BRINP3: variants seen among roughly 807,000 people sequenced by gnomAD.
The protein encoded by BRINP3 is BMP/retinoic acid-inducible neural-specific protein 3.
A neutral mutation model predicts 71.0 loss-of-function variants in BRINP3; 19 were observed. The ratio of observed to expected loss-of-function variants is 0.27; its 90% CI spans 0.19 to 0.39. The LOEUF is 0.39. Ranked by LOEUF, BRINP3 falls within the 10% of genes least tolerant of loss-of-function variation. The pLI, the probability that BRINP3 is intolerant of heterozygous loss-of-function variation, is 1.00. For missense variants in BRINP3, 959 were observed against 940.8 expected (o/e 1.02, Z -0.25); for synonymous variants, 380 against 337.7 (o/e 1.13, Z -1.37).
chr1:190,365,868 C>A (rs1669468075), intron 2 of BRINP3, among the ~76,000 whole-genome samples: 2 of 138,790 alleles, frequency 1.4e-5, no homozygotes, highest in South Asian at 2.2e-4. Flanking sequence ...TATATCCTGT[C>A]AAAATTTGAG....
At chr1:190,130,674 G>A (rs910270272) in intron 7 of BRINP3, among the ~76,000 whole-genome samples, 20 of 152,128 alleles carry the variant, frequency 1.3e-4, no homozygotes, top group Non-Finnish European at 2.2e-4. Context: ...TCACTAAGAA[G>A]TGACTGTACA....
intron 2 of BRINP3, among the ~76,000 whole-genome samples, chr1:190,289,184 T>C (rs558427215): frequency 6.6e-6 from 1 of 152,040 alleles, no homozygotes; most frequent in South Asian, 2.1e-4. Flanking sequence ...TGACAATAAA[T>C]ATAAATTGCC....
chr1:190,301,202 T>C (rs866617653), intron 2 of BRINP3, among the ~76,000 whole-genome samples: 1,129 of 26,040 alleles, frequency 0.043, 27 homozygotes, highest in East Asian at 0.11. Flanking sequence ...TATATACACA[T>C]ACATATATAT....
At chr1:190,351,148 G>C (rs955107927) in intron 2 of BRINP3, among the ~76,000 whole-genome samples, 1 of 151,996 alleles carries the variant, frequency 6.6e-6, no homozygotes, top group Non-Finnish European at 1.5e-5. Flanking sequence ...CTACATCTAC[G>C]AAGTAGACAA....
rs1180367434 is a variant in BRINP3 at position 190,312,036 on chromosome 1, A to AATATATATAT, written c.237-30296_237-30287dup. Among the ~76,000 whole-genome samples, 144 of 68,278 alleles carry AATATATATAT rather than the reference A, an allele frequency of 2.1e-3. 2 individuals are homozygous for AATATATATAT. The highest frequency in any genetic ancestry group is 4.7e-3 in the East Asian group (8 of 1,720). 44.8% of individuals were successfully genotyped at this position (68,278 alleles called of 152,430 possible). A position where few individuals can be genotyped will look rare whatever the true frequency, so the allele number is the denominator to read the frequency against. ...AAAATACATGATATTTGAAAAGTCAAATATATATATATATATATATATATA... is the reference window on the plus strand; with the variant it reads ...AAAATACATGATATTTGAAAAGTCAAATATATATATATATATATATATATATATATATATA... On this transcript the variant is annotated intron_variant, in intron 2 of 7. Transcript: ENST00000367462.
intron 2 of BRINP3, among the ~76,000 whole-genome samples, chr1:190,362,476 T>A (rs951250596): frequency 1.3e-5 from 2 of 152,108 alleles, no homozygotes; most frequent in African/African-American, 2.4e-5. Flanking sequence ...TCAGAAGAAA[T>A]AATGTAAGCA....
chr1:190,242,975 T>C (rs1194766493), intron 4 of BRINP3, among the ~76,000 whole-genome samples: 1 of 152,122 alleles, frequency 6.6e-6, no homozygotes, highest in Non-Finnish European at 1.5e-5. Context: ...ACGACTACAA[T>C]GATTGGTCTA....
intron 1 of BRINP3, among the ~76,000 whole-genome samples, chr1:190,467,652 C>G (rs1676849591): frequency 6.6e-6 from 1 of 151,516 alleles, no homozygotes; most frequent in African/African-American, 2.4e-5. Flanking sequence ...TTACAATAAG[C>G]ATCTACTTTT....
At chr1:190,453,411 G>A (rs907064492) in intron 2 of BRINP3, among the ~76,000 whole-genome samples, 1 of 151,150 alleles carries the variant, frequency 6.6e-6, no homozygotes, top group African/African-American at 2.4e-5. Flanking sequence ...AGTAGAGACG[G>A]GGTTTCACCA....
intron 2 of BRINP3, among the ~76,000 whole-genome samples, chr1:190,304,734 C>T (rs1430348559): frequency 1.3e-5 from 2 of 151,644 alleles, no homozygotes; most frequent in African/African-American, 4.8e-5. Flanking sequence ...CTCAAAAGCA[C>T]AGACAATAAA....
At chr1:190,360,818 C>T (rs1410848902) in intron 2 of BRINP3, among the ~76,000 whole-genome samples, 1 of 152,000 alleles carries the variant, frequency 6.6e-6, no homozygotes, top group Non-Finnish European at 1.5e-5. Flanking sequence ...CTGCAGTTTT[C>T]TCAGGGAACT....
intron 7 of BRINP3, among the ~76,000 whole-genome samples, chr1:190,140,188 A>G (rs982552013): frequency 6.6e-6 from 1 of 152,194 alleles, no homozygotes. Context: ...CATTACCAGA[A>G]GCATTTCTCC....
rs548013432 is a variant in BRINP3, at chr1:190,405,020, C to A, written c.236+49635G>T. 2.0e-5 allele frequency among the ~76,000 whole-genome samples: 3 copies of A among 152,072 alleles called. No individual in the cohort carries two copies. In the East Asian group the frequency reaches 5.8e-4, roughly 29 times the overall value. ...AGAACCAAATATATTAAAAAATGAA[C>A]CAAAAAGAAAGCGACTGTTCTTTAA... is the stretch of plus-strand genomic sequence containing the variant. On this transcript the variant is annotated intron_variant, in intron 2 of 7. Coordinates refer to ENST00000367462, the MANE Select transcript of BRINP3 (RefSeq NM_199051.3).
chr1:190,381,475 C>G (rs944300050), intron 2 of BRINP3, among the ~76,000 whole-genome samples: 22 of 152,094 alleles, frequency 1.4e-4, no homozygotes, highest in Non-Finnish European at 2.8e-4. Context: ...TGTAAAGGGA[C>G]ATAAAATGAA....
At chr1:190,457,256 A>G (rs932471823) in intron 1 of BRINP3, among the ~76,000 whole-genome samples, 18 of 152,156 alleles carry the variant, frequency 1.2e-4, no homozygotes, top group Admixed American at 7.2e-4. Context: ...AGCCTGGACA[A>G]CATGGTGAAA....
At chr1:190,461,557 C>T (rs1004517514) in intron 1 of BRINP3, among the ~76,000 whole-genome samples, 4 of 152,066 alleles carry the variant, frequency 2.6e-5, no homozygotes, top group East Asian at 1.9e-4. Context: ...AATAATTGCT[C>T]CTATCTTAAT....
intron 2 of BRINP3, among the ~76,000 whole-genome samples, chr1:190,346,153 A>G (rs1397660788): frequency 6.6e-6 from 1 of 152,040 alleles, no homozygotes; most frequent in Non-Finnish European, 1.5e-5. Context: ...CATCAACTGT[A>G]GTAAAATGAT....
chr1:190,119,597 T>A (rs1356720404), intron 7 of BRINP3, among the ~76,000 whole-genome samples: 1 of 152,160 alleles, frequency 6.6e-6, no homozygotes, highest in Non-Finnish European at 1.5e-5. Context: ...CTCTTTTTAC[T>A]TTTTTAATCA....
chr1:190,359,073 A>C lies in BRINP3; in HGVS notation c.237-77323T>G, dbSNP rs148619342. Among the ~76,000 whole-genome samples the C allele has an allele frequency of 5.7e-3, 873 of 152,234 alleles. 6 individuals carry two copies. The highest frequency in any genetic ancestry group is 0.019 in the African/African-American group (787 of 41,530). ...TATACCTAATGTAAATGACAAGTTA[A>C]TGGGTGCAGCAAACGAATATGACAC... On this transcript the variant is annotated intron_variant, in intron 2 of 7. Coordinates refer to ENST00000367462, the MANE Select transcript of BRINP3 (RefSeq NM_199051.3).
Sources: gnomAD v4.1 joint callset for allele counts (sites outside exome capture counted in the v4.1 genomes callset) on GRCh38, gnomAD v4.1.1 for gene constraint, MANE v1.5 for transcripts, NCBI Gene and HGNC (gene_info 2026-07-23, HGNC 2026-07-21) for gene names.